KIF3C: variants seen among roughly 807,000 people sequenced by gnomAD.
KIF3C encodes the protein kinesin family member 3C.
KIF3C carries 12 observed loss-of-function variants against 67.7 expected under a neutral mutation model. The observed-to-expected ratio is 0.18, with a 90% confidence interval of 0.11 to 0.29. The LOEUF is 0.29. Among genes scored for constraint, KIF3C ranks in the 10% least tolerant of loss-of-function variants. The pLI, the probability that KIF3C is intolerant of heterozygous loss-of-function variation, is 1.00. For missense variants in KIF3C, 789 were observed against 1,059.6 expected (o/e 0.74, Z 3.55); for synonymous variants, 393 against 426.2 (o/e 0.92, Z 0.96).
chr2:25,934,939 A>G (rs552488406), intron 5 of KIF3C, among the ~76,000 whole-genome samples: 1 of 151,566 alleles, frequency 6.6e-6, no homozygotes, highest in Non-Finnish European at 1.5e-5. Context: ...CCCAGCTCTA[A>G]TTTAAAAAAA....
At chr2:25,941,228 C>CA (rs1663276171) in intron 5 of KIF3C, among the ~76,000 whole-genome samples, 1 of 151,934 alleles carries the variant, frequency 6.6e-6, no homozygotes, top group African/African-American at 2.4e-5. Context: ...CACTTGAGCC[C>CA]AGAAGGTCAA....
Position 25,926,910 on chromosome 2 carries a change from C to A in KIF3C, c.*2068G>T, listed in dbSNP as rs2090415565. ...TACTTTGTCAATCAAATATTTGATA[C>A]ACCAAAAGGAAAAGGAGAGAAAGAG... is the stretch of plus-strand genomic sequence containing the variant. On this transcript the variant is annotated 3_prime_UTR_variant, in exon 8 of 8. Transcript: ENST00000264712. The A allele has an allele frequency of 6.6e-6, 1 of 152,128 alleles. No individual in the cohort carries two copies. Among genetic ancestry groups the A allele is most frequent in the South Asian group, 2.1e-4 (1 of 4,832 alleles). 9.4% of individuals were successfully genotyped at this position (152,128 alleles called of 1,614,324 possible). A position where few individuals can be genotyped will look rare whatever the true frequency, so the allele number is the denominator to read the frequency against.
In KIF3C at chr2:25,928,814, C is replaced by T. The variant is rs374960605; in HGVS notation, c.*164G>A. On this transcript the variant is annotated 3_prime_UTR_variant, in exon 8 of 8. Coordinates refer to ENST00000264712, the MANE Select transcript of KIF3C (RefSeq NM_002254.8). ...AATAACATGAATTAAATAAAGGAGG[C>T]GAAGAAGAGCAGGCAGAGGCACCAT... 5.5e-5 allele frequency: 33 copies of T among 597,130 alleles called. No homozygotes were observed. Among genetic ancestry groups the T allele is most frequent in the African/African-American group, 1.9e-4 (10 of 53,764 alleles). 37.0% of individuals were successfully genotyped at this position (597,130 alleles called of 1,614,324 possible).
At chr2:25,952,321 ATTAT>A (rs1357440308) in intron 4 of KIF3C, among the ~76,000 whole-genome samples, 1 of 152,014 alleles carries the variant, frequency 6.6e-6, no homozygotes, top group African/African-American at 2.4e-5. Context: ...AAGTTAATTA[ATTAT>A]TTATTTATTT....
Position 25,980,463 on chromosome 2 carries a change from C to T in KIF3C, c.1455G>A (p.Glu485=). ...CCTTCTCCTCCAGCAGCTTCTGCTT[C>T]TCCTCGCTCACCAGGCTGCGGTCAT... is the stretch of plus-strand genomic sequence containing the variant. ...IQDDRSLVSE[E]KQKLLEEKEK... is the part of the protein sequence containing the mutation. Residue 485 remains glutamate (E), a synonymous_variant, in exon 1 of 8, where the codon GAG becomes GAA. Transcript: ENST00000264712. The surrounding 1 kb of genome is among the most constrained non-coding windows in gnomAD (Gnocchi z 7.6). 1 of 1,614,162 alleles carries T rather than the reference C, an allele frequency of 6.2e-7. No homozygotes were observed. Among genetic ancestry groups the T allele is most frequent in the Non-Finnish European group, 8.5e-7 (1 of 1,180,044 alleles).
chr2:25,944,593 T>C (rs1663378683), intron 5 of KIF3C, among the ~76,000 whole-genome samples: 1 of 152,122 alleles, frequency 6.6e-6, no homozygotes, highest in Non-Finnish European at 1.5e-5. Flanking sequence ...TCAAGCCATC[T>C]ACCTGCTTCA....
rs371570181 is a variant in KIF3C, at chr2:25,952,563, ATTT to A, written c.1890-661_1890-659del. On this transcript the variant is annotated intron_variant, in intron 4 of 7. Coordinates refer to ENST00000264712, the MANE Select transcript of KIF3C (RefSeq NM_002254.8). ...TGTGTGTGTGTGTATATATATATAT[ATTT>A]TTTTTTTTTTGAGACAGTTTTGCAC... Among the ~76,000 whole-genome samples the A allele has an allele frequency of 2.6e-3, 272 of 103,710 alleles. 1 individual carries two copies. The highest frequency in any genetic ancestry group is 0.01 in the African/African-American group (245 of 24,254). The allele number at this position is 103,710 out of a possible 152,430, so 68.0% of individuals were successfully genotyped here. A position where few individuals can be genotyped will look rare whatever the true frequency, so the allele number is the denominator to read the frequency against.
intron 6 of KIF3C, among the ~76,000 whole-genome samples, 181 bp from the exon 7 acceptor site, chr2:25,929,658 C>A (rs1394453583): frequency 1.3e-5 from 2 of 151,822 alleles, no homozygotes; most frequent in Non-Finnish European, 2.9e-5. Flanking sequence ...CTCTGTTGCC[C>A]AGGCTGGAGT....
intron 4 of KIF3C, among the ~76,000 whole-genome samples, chr2:25,953,672 G>GTTT (rs70950142): frequency 2.0e-5 from 2 of 99,602 alleles, no homozygotes; most frequent in Non-Finnish European, 4.3e-5. Flanking sequence ...TTTTGTTTTT[G>GTTT]TTTTTTTTTT....
chr2:25,931,037 C>T (rs148686637), intron 5 of KIF3C, among the ~76,000 whole-genome samples: 112 of 152,106 alleles, frequency 7.4e-4, no homozygotes, highest in African/African-American at 2.1e-3. Context: ...TCATGTACCC[C>T]ACAAACATAT....
intron 1 of KIF3C, among the ~76,000 whole-genome samples, chr2:25,968,876 T>A (rs899240209): frequency 1.8e-4 from 28 of 151,664 alleles, no homozygotes; most frequent in African/African-American, 6.3e-4. Context: ...CAGGCTGGAG[T>A]GCAGTGGCGT....
At chr2:25,963,089 C>CAT (rs1171472340) in intron 1 of KIF3C, among the ~76,000 whole-genome samples, 1 of 88,148 alleles carries the variant, frequency 1.1e-5, no homozygotes, top group Admixed American at 1.9e-4. Flanking sequence ...CACATATATG[C>CAT]ATATATATAC....
intron 1 of KIF3C, among the ~76,000 whole-genome samples, chr2:25,963,410 G>A (rs1267382502): frequency 6.7e-6 from 1 of 148,608 alleles, no homozygotes; most frequent in Non-Finnish European, 1.5e-5. Context: ...GTTTTGCCAT[G>A]TTGCCCAGGC....
In KIF3C at chr2:25,958,453, C is replaced by A. The variant is rs533682870; in HGVS notation, c.1546-2009G>T. On this transcript the variant is annotated intron_variant, in intron 1 of 7. Transcript: ENST00000264712. This position sits in a 1 kb window ranked among gnomAD's most constrained non-coding sequence, Gnocchi z 4.5. ...AAAATTAGCTGGGTGTGGTGGCGTG[C>A]ACCTGTAGTCCTAGATACTCAGGAG... Among the ~76,000 whole-genome samples the A allele has an allele frequency of 5.9e-5, 9 of 152,118 alleles. No individual in the cohort carries two copies. In the South Asian group the frequency reaches 1.7e-3, roughly 28 times the overall value.
At chr2:25,967,395 G>A (rs893166894) in intron 1 of KIF3C, among the ~76,000 whole-genome samples, 3 of 152,152 alleles carry the variant, frequency 2.0e-5, no homozygotes, top group African/African-American at 7.2e-5. Flanking sequence ...TGCTCCAGTC[G>A]GGCTACACAC....
chr2:25,975,719 G>T (rs1664395164), intron 1 of KIF3C, among the ~76,000 whole-genome samples: 2 of 152,096 alleles, frequency 1.3e-5, no homozygotes, highest in Admixed American at 1.3e-4. Flanking sequence ...AGCACTTTGG[G>T]AGGCTGAGGC....
intron 5 of KIF3C, among the ~76,000 whole-genome samples, chr2:25,934,436 A>G (rs928382468): frequency 6.6e-6 from 1 of 152,006 alleles, no homozygotes; most frequent in African/African-American, 2.4e-5. Context: ...AAAATTAGCC[A>G]GGGGTGGTGA....
chr2:25,940,629 G>C (rs1241302555), intron 5 of KIF3C, among the ~76,000 whole-genome samples: 2 of 151,062 alleles, frequency 1.3e-5, no homozygotes, highest in Non-Finnish European at 2.9e-5. Context: ...TGGCAGAGCA[G>C]GGGCTAGAAT....
At chr2:25,976,219 C>T (rs889224441) in intron 1 of KIF3C, among the ~76,000 whole-genome samples, 2 of 152,112 alleles carry the variant, frequency 1.3e-5, no homozygotes, top group African/African-American at 4.8e-5. Flanking sequence ...TCCTTATGAC[C>T]GCATCCCTCT....
Sources: allele counts gnomAD v4.1 joint callset (sites outside exome capture counted in the v4.1 genomes callset), GRCh38; gene constraint gnomAD v4.1.1; non-coding constraint Gnocchi (gnomAD v3.1); transcripts MANE v1.5; gene names NCBI Gene and HGNC (gene_info 2026-07-23, HGNC 2026-07-21).